KIAA1958: variants seen among roughly 807,000 people sequenced by gnomAD.
The protein encoded by KIAA1958 is KIAA1958, also known as uncharacterized protein KIAA1958.
Under a neutral mutation model 47.2 loss-of-function variants are expected in KIAA1958, and 14 were observed. That is an observed-to-expected ratio of 0.30 (90% CI 0.20 to 0.46). The LOEUF (loss-of-function observed/expected upper bound fraction) is 0.46. KIAA1958 is among the 20% of genes least tolerant of loss of function. The pLI is 1.00. For synonymous variants in KIAA1958, 354 were observed against 353.3 expected (o/e 1.00, Z -0.02); for missense variants, 803 against 909.2 (o/e 0.88, Z 1.50).
intron 1 of KIAA1958, among the ~76,000 whole-genome samples, chr9:112,572,554 G>C (rs1298673001): frequency 6.6e-6 from 1 of 152,194 alleles, no homozygotes; most frequent in African/African-American, 2.4e-5. Flanking sequence ...AGATGATACA[G>C]GCATGGGTGA....
chr9:112,538,298 G>A (rs1483205035), intron 1 of KIAA1958, among the ~76,000 whole-genome samples: 1 of 152,138 alleles, frequency 6.6e-6, no homozygotes, highest in Non-Finnish European at 1.5e-5. Context: ...GCTGCAGTGA[G>A]CCTTGGTTGT....
intron 1 of KIAA1958, among the ~76,000 whole-genome samples, chr9:112,566,544 C>T (rs1705592321): frequency 6.6e-6 from 1 of 152,142 alleles, no homozygotes; most frequent in African/African-American, 2.4e-5. Flanking sequence ...ATTGCTTGAG[C>T]CTGGGTGTTC....
chr9:112,502,706 C>T (rs1006564821), intron 1 of KIAA1958, among the ~76,000 whole-genome samples: 5 of 152,314 alleles, frequency 3.3e-5, no homozygotes, highest in South Asian at 4.1e-4. Context: ...AACCCCACAC[C>T]GTTTGTTGTC....
At chr9:112,638,409 G>GGAA (rs1395560396) in intron 2 of KIAA1958, among the ~76,000 whole-genome samples, 1 of 152,028 alleles carries the variant, frequency 6.6e-6, no homozygotes, top group Non-Finnish European at 1.5e-5. Flanking sequence ...AGCTGAGGCA[G>GGAA]GAAGATCTCT....
At chr9:112,569,746 G>A (rs555089265) in intron 1 of KIAA1958, among the ~76,000 whole-genome samples, 5 of 151,752 alleles carry the variant, frequency 3.3e-5, no homozygotes, top group African/African-American at 4.8e-5. Context: ...TCAGCCTCCC[G>A]AGTAGCTGGG....
At chr9:112,622,594 T>C (rs934359303) in intron 2 of KIAA1958, among the ~76,000 whole-genome samples, 2 of 152,222 alleles carry the variant, frequency 1.3e-5, no homozygotes, top group African/African-American at 2.4e-5. Context: ...ATATGACTTA[T>C]AAATATATAT....
Position 112,669,365 on chromosome 9 carries a change from A to G in KIAA1958, c.*9296A>G, listed in dbSNP as rs1297183115. ...TATATGCAGCTTGACTGTTCAACCC[A>G]GATTTTTAAACAATAAAAAGATTTA... On this transcript the variant is annotated 3_prime_UTR_variant, in exon 4 of 4. Coordinates refer to ENST00000337530, the MANE Select transcript of KIAA1958 (RefSeq NM_133465.4). 2 of 152,246 alleles carry G rather than the reference A, an allele frequency of 1.3e-5. No homozygotes were observed. Among genetic ancestry groups the G allele is most frequent in the African/African-American group, 4.8e-5 (2 of 41,454 alleles). 9.4% of individuals were successfully genotyped at this position (152,246 alleles called of 1,614,324 possible).
chr9:112,644,290 A>G (rs1379975278), intron 2 of KIAA1958, among the ~76,000 whole-genome samples: 1 of 152,152 alleles, frequency 6.6e-6, no homozygotes, highest in Non-Finnish European at 1.5e-5. Context: ...TGGGGACGGT[A>G]AGAGACTGGT....
chr9:112,560,069 G>GT (rs1461921116), intron 1 of KIAA1958, among the ~76,000 whole-genome samples: 5 of 150,972 alleles, frequency 3.3e-5, no homozygotes, highest in African/African-American at 1.2e-4. Context: ...TAGCTGCACT[G>GT]ATTTTTTTTT....
At chr9:112,509,239 G>A (rs986197416) in intron 1 of KIAA1958, among the ~76,000 whole-genome samples, 2 of 132,816 alleles carry the variant, frequency 1.5e-5, no homozygotes, top group African/African-American at 2.9e-5. Flanking sequence ...GTCTTGCTGT[G>A]TCGCCTAGGC....
At chr9:112,508,446 C>A (rs1006960340) in intron 1 of KIAA1958, among the ~76,000 whole-genome samples, 1 of 152,182 alleles carries the variant, frequency 6.6e-6, no homozygotes, top group East Asian at 1.9e-4. Context: ...TTATGTCAAG[C>A]ATTACAAATA....
chr9:112,529,586 G>A (rs1392885537), intron 1 of KIAA1958, among the ~76,000 whole-genome samples: 1 of 152,168 alleles, frequency 6.6e-6, no homozygotes, highest in Non-Finnish European at 1.5e-5. Context: ...ATTTGGGTTT[G>A]TATATTTTTC....
intron 1 of KIAA1958, among the ~76,000 whole-genome samples, chr9:112,558,451 C>T (rs912470412): frequency 2.0e-5 from 3 of 151,976 alleles, no homozygotes; most frequent in African/African-American, 7.3e-5. Flanking sequence ...AAATTAAAAC[C>T]GTGTCAATTT....
intron 3 of KIAA1958, among the ~76,000 whole-genome samples, chr9:112,647,029 G>C (rs1354905043): frequency 6.6e-6 from 1 of 152,168 alleles, no homozygotes; most frequent in African/African-American, 2.4e-5. Flanking sequence ...GAGATCTCCA[G>C]GTTTGAGTGA....
intron 1 of KIAA1958, among the ~76,000 whole-genome samples, chr9:112,507,786 CTTTT>C (rs1416671152): frequency 1.3e-5 from 2 of 151,518 alleles, no homozygotes; most frequent in Non-Finnish European, 2.9e-5. Context: ...TTCTTTCTTT[CTTTT>C]TCTTTCTCTT....
Position 112,526,322 on chromosome 9 carries a change from C to T in KIAA1958, c.-25+39204C>T, listed in dbSNP as rs184689186. Among the ~76,000 whole-genome samples, 42 of 152,056 alleles carry T rather than the reference C, an allele frequency of 2.8e-4. 1 individual carries two copies. Among genetic ancestry groups the T allele is most frequent in the Admixed American group, 1.9e-3 (29 of 15,270 alleles). Reference sequence around the variant, plus strand: ...AGACTGAAGTGCAGTGGCACTGTCTCGGCACACTGCACTCTCCACCTCCTG... The same window carrying T: ...AGACTGAAGTGCAGTGGCACTGTCTTGGCACACTGCACTCTCCACCTCCTG... On this transcript the variant is annotated intron_variant, in intron 1 of 3. Transcript: ENST00000337530.
At chr9:112,623,885 A>G (rs1216054182) in intron 2 of KIAA1958, among the ~76,000 whole-genome samples, 1 of 152,174 alleles carries the variant, frequency 6.6e-6, no homozygotes, top group East Asian at 1.9e-4. Context: ...CTGTGAACCT[A>G]TTCAGATTTT....
intron 1 of KIAA1958, among the ~76,000 whole-genome samples, chr9:112,515,832 CA>C (rs1834421339): frequency 8.8e-6 from 1 of 114,050 alleles, no homozygotes; most frequent in East Asian, 2.4e-4. Context: ...ACTATTGTCC[CA>C]TGACCCTGCC....
At chr9:112,655,718 G>A (rs1367244187) in intron 3 of KIAA1958, among the ~76,000 whole-genome samples, 1 of 152,196 alleles carries the variant, frequency 6.6e-6, no homozygotes, top group Non-Finnish European at 1.5e-5. Context: ...GAGGCATGCG[G>A]GAGTGTTGCT....
Sources: gnomAD v4.1 joint callset for allele counts (sites outside exome capture counted in the v4.1 genomes callset) on GRCh38, gnomAD v4.1.1 for gene constraint, MANE v1.5 for transcripts, NCBI Gene and HGNC (gene_info 2026-07-23, HGNC 2026-07-21) for gene names.